The following ZCWPW2 variants were observed in gnomAD, a reference collection of about 807,000 sequenced individuals.
ZCWPW2 encodes zinc finger CW-type and PWWP domain containing 2, also known as zinc finger CW-type PWWP domain protein 2.
A neutral mutation model predicts 46.6 loss-of-function variants in ZCWPW2; 45 were observed. That is an observed-to-expected ratio of 0.96 (90% CI 0.76 to 1.24). ZCWPW2 has a LOEUF of 1.24. Among genes scored for constraint, ZCWPW2 ranks in the 50% most tolerant of loss-of-function variants. ZCWPW2 has a pLI of 0.00. For missense variants in ZCWPW2, 429 were observed against 403.9 expected (o/e 1.06, Z -0.53); for synonymous variants, 152 against 137.1 (o/e 1.11, Z -0.76).
At chr3:28,354,604 A>G (rs919613492) in intron 1 of ZCWPW2, among the ~76,000 whole-genome samples, 14 of 111,032 alleles carry the variant, frequency 1.3e-4, no homozygotes, top group Admixed American at 5.5e-4. Context: ...AAAATCCTCA[A>G]TAAAATACTG....
chr3:28,526,111 G>C lies in ZCWPW2; in HGVS notation c.*1423G>C, dbSNP rs1010383233. Among the ~76,000 whole-genome samples, 2 of 152,114 alleles carry C rather than the reference G, an allele frequency of 1.3e-5. No individual in the cohort carries two copies. The highest frequency in any genetic ancestry group is 6.6e-5 in the Admixed American group (1 of 15,248). On this transcript the variant is annotated 3_prime_UTR_variant, in exon 10 of 10. Coordinates refer to ENST00000383768, the MANE Select transcript of ZCWPW2 (RefSeq NM_001040432.4). ...ATGGGGATGGAACTATGCAAACCAA[G>C]CACTGTTGTGAGGAATAAATGAGAT...
At chr3:28,462,222 A>G (rs1698666882) in intron 4 of ZCWPW2, among the ~76,000 whole-genome samples, 1 of 152,208 alleles carries the variant, frequency 6.6e-6, no homozygotes, top group South Asian at 2.1e-4. Context: ...GGAAGAGAAC[A>G]GAAGTCTGTC....
chr3:28,384,734 T>G (rs1441279474), intron 1 of ZCWPW2, among the ~76,000 whole-genome samples: 1 of 151,352 alleles, frequency 6.6e-6, no homozygotes, highest in African/African-American at 2.4e-5. Flanking sequence ...CGCCTCAGCC[T>G]CCTGAGTAAG....
At chr3:28,382,343 A>G (rs541438020) in intron 1 of ZCWPW2, among the ~76,000 whole-genome samples, 30 of 152,156 alleles carry the variant, frequency 2.0e-4, no homozygotes, top group Non-Finnish European at 3.1e-4. Context: ...CTGTCCTCAC[A>G]TAGTCTTTCC....
chr3:28,403,560 G>A (rs572098586), intron 2 of ZCWPW2, among the ~76,000 whole-genome samples: 2 of 152,028 alleles, frequency 1.3e-5, no homozygotes, highest in African/African-American at 2.4e-5. Context: ...AATTTATGTG[G>A]AACCAAAAAA....
intron 4 of ZCWPW2, among the ~76,000 whole-genome samples, chr3:28,449,798 T>C (rs1698152774): frequency 1.3e-5 from 2 of 152,218 alleles, no homozygotes; most frequent in African/African-American, 4.8e-5. Flanking sequence ...TTTAAGCTGA[T>C]GCATGGTATA....
At chr3:28,479,022 A>C (rs1189597572) in intron 5 of ZCWPW2, 91 bp downstream of exon 5, 2 of 786,660 alleles carry the variant, frequency 2.5e-6, no homozygotes, top group South Asian at 2.0e-5. Flanking sequence ...AAAAATCTCT[A>C]TCTCTTTCTC....
intron 4 of ZCWPW2, among the ~76,000 whole-genome samples, chr3:28,444,398 G>A (rs1455321025): frequency 1.3e-5 from 2 of 152,172 alleles, no homozygotes; most frequent in Non-Finnish European, 2.9e-5. Flanking sequence ...TGTTGTCTCA[G>A]GCAGTGTAGG....
At chr3:28,480,153 A>G (rs1575185125) in intron 5 of ZCWPW2, among the ~76,000 whole-genome samples, 1 of 152,050 alleles carries the variant, frequency 6.6e-6, no homozygotes, top group Admixed American at 6.6e-5. Context: ...ACACTGTCTT[A>G]CACAATGGTT....
chr3:28,355,353 C>T (rs184550901), intron 1 of ZCWPW2, among the ~76,000 whole-genome samples: 287 of 152,194 alleles, frequency 1.9e-3, no homozygotes, highest in African/African-American at 5.8e-3. Flanking sequence ...TAAAAGAGGA[C>T]GCAAATAAAT....
chr3:28,471,265 A>G (rs1575173858), intron 4 of ZCWPW2, among the ~76,000 whole-genome samples: 1 of 152,308 alleles, frequency 6.6e-6, no homozygotes. Context: ...TGAGGCCAGT[A>G]TTACTCTGGT....
At chr3:28,508,837 T>C (rs1700348857) in intron 6 of ZCWPW2, among the ~76,000 whole-genome samples, 1 of 152,196 alleles carries the variant, frequency 6.6e-6, no homozygotes, top group Admixed American at 6.6e-5. Context: ...CCTTTCAACC[T>C]TTCCATGTCA....
chr3:28,383,389 G>A lies in ZCWPW2; in HGVS notation c.-133-7109G>A, dbSNP rs1034081338. ...TCTTGGATTACATTTCTTGTTATCC[G>A]TGGGCTTATCATGGATATAAATAGT... On this transcript the variant is annotated intron_variant, in intron 1 of 9. Coordinates refer to ENST00000383768, the MANE Select transcript of ZCWPW2 (RefSeq NM_001040432.4). Among the ~76,000 whole-genome samples the A allele has an allele frequency of 4.6e-5, 7 of 151,974 alleles. No homozygotes were observed. In the South Asian group the frequency reaches 6.2e-4, roughly 14 times the overall value.
At chr3:28,410,627 T>C (rs942018755) in intron 2 of ZCWPW2, among the ~76,000 whole-genome samples, 3 of 152,096 alleles carry the variant, frequency 2.0e-5, no homozygotes, top group Non-Finnish European at 4.4e-5. Flanking sequence ...ATAGAAACCT[T>C]GTGTTTAAAA....
intron 7 of ZCWPW2, among the ~76,000 whole-genome samples, chr3:28,514,731 T>C (rs981722729): frequency 2.6e-5 from 4 of 152,128 alleles, no homozygotes; most frequent in Non-Finnish European, 5.9e-5. Flanking sequence ...GAGAATGAGG[T>C]TTTTAGTTTA....
In ZCWPW2 at chr3:28,435,187, A is replaced by G. The variant is rs1250108523; in HGVS notation, c.410A>G (p.Tyr137Cys). The G allele has an allele frequency of 6.2e-7, 1 of 1,613,756 alleles. No homozygotes were observed. The highest frequency in any genetic ancestry group is 8.5e-7 in the Non-Finnish European group (1 of 1,179,960). The change falls in exon 4 of 10, where the codon TAT (tyrosine) becomes TGT (cysteine). Residue 137 changes from tyrosine to cysteine, a missense_variant. Coordinates refer to ENST00000383768, the MANE Select transcript of ZCWPW2 (RefSeq NM_001040432.4). ...TYDPDGNVEE[Y>C]HIEFLGDPHS... ...GACCCGGATGGAAATGTTGAAGAGTATCACATAGAATTCCTGGGCGATCCC... is the reference window on the plus strand; with the variant it reads ...GACCCGGATGGAAATGTTGAAGAGTGTCACATAGAATTCCTGGGCGATCCC...
At chr3:28,400,909 G>T (rs141995926) in intron 2 of ZCWPW2, among the ~76,000 whole-genome samples, 42 of 152,292 alleles carry the variant, frequency 2.8e-4, no homozygotes, top group African/African-American at 9.9e-4. Context: ...GCTGGGCATG[G>T]TGGCTCACGC....
chr3:28,395,071 T>C (rs1695642647), intron 2 of ZCWPW2, among the ~76,000 whole-genome samples: 2 of 152,072 alleles, frequency 1.3e-5, no homozygotes, highest in South Asian at 4.1e-4. Flanking sequence ...AAATATCAGA[T>C]AATTTGGTTA....
At chr3:28,384,838 A>G (rs1250891137) in intron 1 of ZCWPW2, among the ~76,000 whole-genome samples, 1 of 151,560 alleles carries the variant, frequency 6.6e-6, no homozygotes, top group Admixed American at 6.6e-5. Flanking sequence ...CTGGTCTCGA[A>G]CTCCTGACCT....
Sources: gnomAD v4.1 joint callset for allele counts (sites outside exome capture counted in the v4.1 genomes callset) on GRCh38, gnomAD v4.1.1 for gene constraint, MANE v1.5 for transcripts, NCBI Gene and HGNC (gene_info 2026-07-23, HGNC 2026-07-21) for gene names.